The following NEK11 variants were observed in gnomAD, a reference collection of about 807,000 sequenced individuals.
The protein encoded by NEK11 is NIMA related kinase 11.
NEK11 carries 72 observed loss-of-function variants against 80.7 expected under a neutral mutation model. The ratio of observed to expected loss-of-function variants is 0.89; its 90% CI spans 0.74 to 1.08. The LOEUF (loss-of-function observed/expected upper bound fraction) is 1.08. NEK11 is among the 50% of genes least tolerant of loss of function. The pLI is 0.00. For missense variants in NEK11, 764 were observed against 763.6 expected (o/e 1.00, Z -0.01); for synonymous variants, 251 against 260.7 (o/e 0.96, Z 0.36).
chr3:131,140,176 T>TA (rs2086575074), intron 7 of NEK11, among the ~76,000 whole-genome samples: 1 of 152,216 alleles, frequency 6.6e-6, no homozygotes, highest in Admixed American at 6.5e-5. Context: ...AAATTGATGC[T>TA]ATGTGACTTC....
chr3:131,334,016 A>ATTGTG (rs1473375103), intron 17 of NEK11, among the ~76,000 whole-genome samples: 6 of 152,284 alleles, frequency 3.9e-5, no homozygotes, highest in African/African-American at 1.2e-4. Context: ...CACAATAATA[A>ATTGTG]TGGGAGACTT....
intron 17 of NEK11, among the ~76,000 whole-genome samples, chr3:131,300,633 G>A (rs2096651074): frequency 6.6e-6 from 1 of 152,126 alleles, no homozygotes; most frequent in African/African-American, 2.4e-5. Flanking sequence ...TTATTGAATA[G>A]GAAGTCTTTC....
At chr3:131,216,744 G>T (rs951904013) in intron 14 of NEK11, among the ~76,000 whole-genome samples, 1 of 152,172 alleles carries the variant, frequency 6.6e-6, no homozygotes, top group East Asian at 1.9e-4. Flanking sequence ...ATTTCACTGG[G>T]GGCTGTCCAT....
intron 14 of NEK11, among the ~76,000 whole-genome samples, chr3:131,226,156 T>A (rs2095187340): frequency 6.6e-6 from 1 of 150,784 alleles, no homozygotes; most frequent in South Asian, 2.1e-4. Context: ...TCAGGGAGAG[T>A]TGAGGGTGGG....
intron 17 of NEK11, among the ~76,000 whole-genome samples, chr3:131,331,541 C>T (rs541757659): frequency 1.8e-4 from 27 of 152,200 alleles, no homozygotes; most frequent in Non-Finnish European, 3.1e-4. Flanking sequence ...ACGCAGAATA[C>T]GGGTGATTTC....
intron 14 of NEK11, among the ~76,000 whole-genome samples, chr3:131,225,564 CTTTAT>C (rs2095168106): frequency 6.6e-6 from 1 of 152,186 alleles, no homozygotes; most frequent in Non-Finnish European, 1.5e-5. Flanking sequence ...ATATTATCAT[CTTTAT>C]TTTATAGATG....
intron 6 of NEK11, chr3:131,133,236 T>G (rs1439273781): frequency 2.2e-5 from 10 of 455,016 alleles, no homozygotes; most frequent in Non-Finnish European, 4.4e-5. Context: ...ATGGCTTTAT[T>G]AACCTTTAGT....
intron 17 of NEK11, among the ~76,000 whole-genome samples, chr3:131,298,539 C>T (rs1269281082): frequency 6.6e-6 from 1 of 152,200 alleles, no homozygotes; most frequent in African/African-American, 2.4e-5. Flanking sequence ...ACAAAAATCA[C>T]AAGCATTCTT....
chr3:131,261,450 A>G (rs1244602626), intron 16 of NEK11, among the ~76,000 whole-genome samples: 1 of 152,096 alleles, frequency 6.6e-6, no homozygotes, highest in Non-Finnish European at 1.5e-5. Context: ...GTTTCCTTTG[A>G]TTGCTCTTTA....
chr3:131,144,581 T>G (rs928954896), intron 7 of NEK11, among the ~76,000 whole-genome samples: 2 of 152,204 alleles, frequency 1.3e-5, no homozygotes, highest in Admixed American at 6.5e-5. Flanking sequence ...CTACCGTATG[T>G]ATTTAACAAA....
chr3:131,036,497 C>A (rs1424934923), intron 3 of NEK11, among the ~76,000 whole-genome samples: 1 of 152,208 alleles, frequency 6.6e-6, no homozygotes, highest in East Asian at 1.9e-4. Context: ...ACTCTACTTA[C>A]ATAATCATAA....
At chr3:131,194,311 G>A (rs1221275409) in intron 14 of NEK11, among the ~76,000 whole-genome samples, 1 of 152,122 alleles carries the variant, frequency 6.6e-6, no homozygotes, top group African/African-American at 2.4e-5. Context: ...GACACTTAAT[G>A]TACAATTGGA....
At chr3:131,105,529 C>T (rs1430429782) in intron 4 of NEK11, among the ~76,000 whole-genome samples, 1 of 152,194 alleles carries the variant, frequency 6.6e-6, no homozygotes, top group African/African-American at 2.4e-5. Flanking sequence ...CACAGTTCCA[C>T]ATGGCTGGGG....
intron 14 of NEK11, among the ~76,000 whole-genome samples, chr3:131,210,211 A>G (rs1303547739): frequency 2.0e-5 from 3 of 152,206 alleles, no homozygotes; most frequent in East Asian, 1.9e-4. Context: ...TTCAAAGAAC[A>G]TCTTTATTTC....
At chr3:131,277,242 C>T (rs756824713) in intron 17 of NEK11, among the ~76,000 whole-genome samples, 7 of 152,234 alleles carry the variant, frequency 4.6e-5, no homozygotes, top group Non-Finnish European at 7.3e-5. Context: ...TTTTTCTATA[C>T]TTCCACCTGT....
intron 14 of NEK11, among the ~76,000 whole-genome samples, chr3:131,217,837 T>A (rs2094893772): frequency 6.6e-6 from 1 of 152,222 alleles, no homozygotes; most frequent in Non-Finnish European, 1.5e-5. Flanking sequence ...TCTTTCTACC[T>A]ACTAAATTAA....
chr3:131,348,969 TTTG>T (rs1485360497), intron 17 of NEK11, among the ~76,000 whole-genome samples: 2 of 152,120 alleles, frequency 1.3e-5, no homozygotes, highest in Non-Finnish European at 2.9e-5. Context: ...TCATTATTAT[TTTG>T]TTATTATTAA....
rs112705042 is a variant in NEK11 at position 131,196,846 on chromosome 3, C to CTT, written c.1399+25973_1399+25974dup. On this transcript the variant is annotated intron_variant, in intron 14 of 17. Coordinates refer to ENST00000383366, the MANE Select transcript of NEK11 (RefSeq NM_024800.5). Reference sequence around the variant, plus strand: ...CACAAAATTTCTTTTCTTTTCTTTTCTTTTTTTTTTTTTTTGCTGTTGCAA... The same window carrying CTT: ...CACAAAATTTCTTTTCTTTTCTTTTCTTTTTTTTTTTTTTTTTGCTGTTGCAA... Among the ~76,000 whole-genome samples the CTT allele has an allele frequency of 2.1e-3, 293 of 138,144 alleles. 2 individuals are homozygous for CTT. The highest frequency in any genetic ancestry group is 6.1e-3 in the African/African-American group (230 of 37,632). The allele number at this position is 138,144 out of a possible 152,430, so 90.6% of individuals were successfully genotyped here. A position where few individuals can be genotyped will look rare whatever the true frequency, so the allele number is the denominator to read the frequency against.
At chr3:131,213,186 C>T (rs1326371444) in intron 14 of NEK11, among the ~76,000 whole-genome samples, 1 of 118,358 alleles carries the variant, frequency 8.4e-6, no homozygotes, top group Non-Finnish European at 1.9e-5. Flanking sequence ...CCATGCCACC[C>T]ATCTCCACAC....
Sources: allele counts gnomAD v4.1 joint callset (sites outside exome capture counted in the v4.1 genomes callset), GRCh38; gene constraint gnomAD v4.1.1; transcripts MANE v1.5; gene names NCBI Gene and HGNC (gene_info 2026-07-23, HGNC 2026-07-21).